WHAMM: variants seen among roughly 807,000 people sequenced by gnomAD.
WHAMM encodes the protein WASP homolog-associated protein with actin, membranes and microtubules.
WHAMM carries 67 observed loss-of-function variants against 76.5 expected under a neutral mutation model. The ratio of observed to expected loss-of-function variants is 0.88; its 90% CI spans 0.72 to 1.07. The LOEUF (loss-of-function observed/expected upper bound fraction) is 1.07, where lower values mean the gene tolerates loss of function less well. WHAMM is among the 50% of genes least tolerant of loss of function. The pLI, the probability that WHAMM is intolerant of heterozygous loss-of-function variation, is 0.00. For missense variants in WHAMM, 1,021 were observed against 1,051.1 expected, an observed-to-expected ratio of 0.97 and a Z score of 0.40; for synonymous variants, 419 against 422.1, an observed-to-expected ratio of 0.99 and a Z score of 0.09.
In WHAMM at chr15:82,810,153, C is replaced by G. The variant is rs2050602143; in HGVS notation, c.427C>G (p.Gln143Glu). 2.2e-6 allele frequency: 3 copies of G among 1,390,466 alleles called. No individual in the cohort carries two copies. The highest frequency in any genetic ancestry group is 3.0e-5 in the African/African-American group (2 of 66,024). 86.1% of individuals were successfully genotyped at this position (1,390,466 alleles called of 1,614,324 possible). ...TRAGPGEAALQELCGQLERYL... is the reference protein window; with the variant it reads ...TRAGPGEAALEELCGQLERYL... ...CGCGGGTCCCGGCGAGGCGGCGCTG[C>G]AGGAGCTGTGCGGGCAGCTGGAACG... The change falls in exon 1 of 10, where the codon CAG (glutamine) becomes GAG (glutamate). Residue 143 changes from glutamine to glutamate, a missense_variant. By Grantham distance (29) the Gln-to-Glu change is conservative. Coordinates refer to ENST00000286760, the MANE Select transcript of WHAMM (RefSeq NM_001080435.3).
intron 9 of WHAMM, 107 bp downstream of exon 9, chr15:82,831,186 CTA>C: frequency 6.7e-7 from 1 of 1,500,740 alleles, no homozygotes; most frequent in Non-Finnish European, 8.8e-7. Context: ...TTATAATTCT[CTA>C]TAGCCTTAAA....
rs2051114669 is a variant in WHAMM, at chr15:82,835,361, T to TGGGAG, written c.*1826_*1827insGGAGG. ...GGATGGTCTCGATCTCTTGACCTCG[T>TGGGAG]GATCCTCCCACCTTGGCCTCCCAAA... On this transcript the variant is annotated 3_prime_UTR_variant, in exon 10 of 10. Coordinates refer to ENST00000286760, the MANE Select transcript of WHAMM (RefSeq NM_001080435.3). The TGGGAG allele has an allele frequency of 6.6e-6, 1 of 152,562 alleles. No individual in the cohort carries two copies. The highest frequency in any genetic ancestry group is 6.5e-5 in the Admixed American group (1 of 15,288). The allele number at this position is 152,562 out of a possible 1,614,324, so 9.5% of individuals were successfully genotyped here.
Position 82,830,997 on chromosome 15 carries a change from G to T in WHAMM, c.2040G>T (p.Val680=). 1 of 1,609,558 alleles carries T rather than the reference G, an allele frequency of 6.2e-7. No individual in the cohort carries two copies. ...THQNLGFRAP[V]KDDQPRPLVC... ...AGAACTTAGGCTTCCGGGCTCCAGT[G>T]AAAGATGACCAGCCACGTCCTCTAG... The change falls in exon 9 of 10, where the codon GTG becomes GTT. Residue 680 remains valine (V), a synonymous_variant. Transcript: ENST00000286760.
At chr15:82,813,319 G>T in intron 2 of WHAMM, 43 bp downstream of exon 2, 1 of 1,400,544 alleles carries the variant, frequency 7.1e-7, no homozygotes, top group South Asian at 1.6e-5. Context: ...TTTACTATTT[G>T]TCATAAATTA....
intron 6 of WHAMM, 146 bp from the exon 7 acceptor site, chr15:82,826,264 G>A: frequency 1.4e-6 from 1 of 714,616 alleles, no homozygotes; most frequent in Non-Finnish European, 2.4e-6. Context: ...GACTGCGGAG[G>A]AGACAGTACC....
intron 8 of WHAMM, among the ~76,000 whole-genome samples, 185 bp from the exon 9 acceptor site, chr15:82,830,414 T>C (rs1307389006): frequency 3.9e-5 from 6 of 152,190 alleles, no homozygotes; most frequent in African/African-American, 1.4e-4. Flanking sequence ...ATATAAATGC[T>C]TATCTTTTTT....
chr15:82,825,055 G>A (rs1454772183), intron 6 of WHAMM, among the ~76,000 whole-genome samples: 2 of 152,160 alleles, frequency 1.3e-5, no homozygotes, highest in Non-Finnish European at 2.9e-5. Context: ...AAGCCAGGAT[G>A]TTGAGGCTTC....
At position 82,834,296 on chromosome 15, in the gene WHAMM, A is replaced by T. The variant is rs1233534802; in HGVS notation, c.*760A>T. 1.3e-5 allele frequency: 2 copies of T among 152,454 alleles called. No homozygotes were observed. The highest frequency in any genetic ancestry group is 4.8e-5 in the African/African-American group (2 of 41,472). 9.4% of individuals were successfully genotyped at this position (152,454 alleles called of 1,614,324 possible). The stretch of plus-strand genomic sequence containing the variant: ...CGTGATCCACCTGCCTTGGCCACCC[A>T]AAGTGTTGGGATTATAGGCATGAGC... On this transcript the variant is annotated 3_prime_UTR_variant, in exon 10 of 10. Coordinates refer to ENST00000286760, the MANE Select transcript of WHAMM (RefSeq NM_001080435.3).
rs559118611 is a variant in WHAMM at position 82,819,892 on chromosome 15, C to G, written c.1270+404C>G. 1.1e-4 allele frequency among the ~76,000 whole-genome samples: 16 copies of G among 152,198 alleles called. No homozygotes were observed. In the South Asian group the frequency reaches 3.3e-3, roughly 32 times the overall value. On this transcript the variant is annotated intron_variant, in intron 5 of 9. Transcript: ENST00000286760. The stretch of plus-strand genomic sequence containing the variant: ...AAACACAAAGTCCAGTGTGGTGGCA[C>G]GTGCCTGTAATCCCAGCTGCTTGGG...
chr15:82,833,467 A>G lies in WHAMM; in HGVS notation c.2361A>G (p.Arg787=), dbSNP rs1406227743. 3 of 1,613,976 alleles carry G rather than the reference A, an allele frequency of 1.9e-6. No individual in the cohort carries two copies. In the South Asian group the frequency reaches 3.3e-5, roughly 18 times the overall value. ...GGAGCATCAAGGCTGCGCTCCAGAG[A>G]ATCAAGAGGGTGTCTGCTGACTCTG... is the stretch of plus-strand genomic sequence containing the variant. ...LERSIKAALQ[R]IKRVSADSEE... Residue 787 remains arginine (R), a synonymous_variant, in exon 10 of 10, where the codon AGA becomes AGG. Coordinates refer to ENST00000286760, the MANE Select transcript of WHAMM (RefSeq NM_001080435.3).
chr15:82,828,469 A>G (rs1434668776), intron 8 of WHAMM, among the ~76,000 whole-genome samples: 1 of 152,182 alleles, frequency 6.6e-6, no homozygotes. Flanking sequence ...TGAATACCAG[A>G]TGAACACAGA....
chr15:82,831,547 G>A (rs2054251660), intron 9 of WHAMM, among the ~76,000 whole-genome samples: 1 of 152,192 alleles, frequency 6.6e-6, no homozygotes, highest in African/African-American at 2.4e-5. Context: ...AATGTAGAAG[G>A]CTGTTCTTGC....
In WHAMM at chr15:82,815,155, A is replaced by ATATAAATAAT. The variant is rs55807384; in HGVS notation, c.784-1537_784-1536insTATAAATAAT. ...TATATATATATATATATATATATAT[A>ATATAAATAAT]GTACAATTCAGTGATTTTTAGTATA... On this transcript the variant is annotated intron_variant, in intron 2 of 9. Coordinates refer to ENST00000286760, the MANE Select transcript of WHAMM (RefSeq NM_001080435.3). Among the ~76,000 whole-genome samples, 18 of 46,144 alleles carry ATATAAATAAT rather than the reference A, an allele frequency of 3.9e-4. 1 individual carries two copies. The highest frequency in any genetic ancestry group is 1.6e-3 in the African/African-American group (18 of 10,980). 30.3% of individuals were successfully genotyped at this position (46,144 alleles called of 152,430 possible).
chr15:82,813,239 T>A lies in WHAMM; in HGVS notation c.746T>A (p.Met249Lys). ...FQYLLQPFRA[M>K]REVATLCKLD... Reference sequence around the variant, plus strand: ...TACTTATTGCAGCCATTTAGGGCTATGCGAGAAGTTGCAACTTTATGTAAG... The same window carrying A: ...TACTTATTGCAGCCATTTAGGGCTAAGCGAGAAGTTGCAACTTTATGTAAG... The change falls in exon 2 of 10, where the codon ATG (methionine) becomes AAG (lysine). Residue 249 changes from methionine to lysine, a missense_variant. Physicochemically the swap from Met to Lys is moderately conservative, Grantham distance 95 (BLOSUM62 -1). Coordinates refer to ENST00000286760, the MANE Select transcript of WHAMM (RefSeq NM_001080435.3). The A allele has an allele frequency of 6.3e-7, 1 of 1,585,138 alleles. No homozygotes were observed. Among genetic ancestry groups the A allele is most frequent in the Non-Finnish European group, 8.6e-7 (1 of 1,169,488 alleles).
intron 9 of WHAMM, among the ~76,000 whole-genome samples, chr15:82,831,815 C>G (rs1478589312): frequency 6.6e-6 from 1 of 152,160 alleles, no homozygotes; most frequent in Non-Finnish European, 1.5e-5. Context: ...TTAGATAAAT[C>G]CTAGCAAAAT....
In WHAMM at chr15:82,823,230, G is replaced by A; in HGVS notation, c.1401G>A (p.Gln467=). ...AAGAACTCAGAAGGCAGTGCCAGCA[G>A]CTGGAGTCTAAACGGGGCAGGATCT... is the stretch of plus-strand genomic sequence containing the variant. The part of the protein sequence containing the change: ...EVKELRRQCQ[Q]LESKRGRICA... The change falls in exon 6 of 10, where the codon CAG becomes CAA. Residue 467 remains glutamine (Q), a synonymous_variant. Coordinates refer to ENST00000286760, the MANE Select transcript of WHAMM (RefSeq NM_001080435.3). 1 of 1,586,490 alleles carries A rather than the reference G, an allele frequency of 6.3e-7. No homozygotes were observed. The highest frequency in any genetic ancestry group is 8.6e-7 in the Non-Finnish European group (1 of 1,163,564).
At chr15:82,823,057 AAAT>A (rs1465844254) in intron 5 of WHAMM, 40 bp from the exon 6 acceptor site, 5 of 1,266,072 alleles carry the variant, frequency 3.9e-6, no homozygotes, top group African/African-American at 3.1e-5. Context: ...GCATTTTTTA[AAAT>A]AATAAAATAT....
rs541264571 is a variant in WHAMM, at chr15:82,810,817, G to A, written c.609+482G>A. The stretch of plus-strand genomic sequence containing the variant: ...GTTTTGTTTTAAGTAATATATACTT[G>A]GTCAAATGGAAAGCCGGCAGAAGGT... On this transcript the variant is annotated intron_variant, in intron 1 of 9. Transcript: ENST00000286760. 144 of 939,392 alleles carry A rather than the reference G, an allele frequency of 1.5e-4. 1 individual carries two copies. In the South Asian group the frequency reaches 6.0e-3, roughly 39 times the overall value. 58.2% of individuals were successfully genotyped at this position (939,392 alleles called of 1,614,324 possible).
rs2050605002 is a variant in WHAMM at position 82,810,265 on chromosome 15, A to G, written c.539A>G (p.Glu180Gly). The G allele has an allele frequency of 1.4e-6, 2 of 1,381,952 alleles. No homozygotes were observed. The highest frequency in any genetic ancestry group is 9.3e-7 in the Non-Finnish European group (1 of 1,070,198). The allele number at this position is 1,381,952 out of a possible 1,614,324, so 85.6% of individuals were successfully genotyped here. A position where few individuals can be genotyped will look rare whatever the true frequency, so the allele number is the denominator to read the frequency against. The change falls in exon 1 of 10, where the codon GAA becomes GGA. Residue 180 changes from glutamate to glycine, a missense_variant. Physicochemically the swap from Glu to Gly is moderately conservative, Grantham distance 98. This residue lies in a region of WHAMM where 501 missense variants were observed against 524.9 expected (regional missense o/e 0.95). Transcript: ENST00000286760. ...FPAEGGAADC[E>G]SPREFRERAL... ...GCTGAGGGCGGCGCGGCCGACTGCG[A>G]AAGCCCGCGCGAGTTCCGGGAGCGG...
Sources: allele counts gnomAD v4.1 joint callset (sites outside exome capture counted in the v4.1 genomes callset), GRCh38; gene constraint gnomAD v4.1.1; regional missense constraint gnomAD v4.1.1; transcripts MANE v1.5; gene names NCBI Gene and HGNC (gene_info 2026-07-23, HGNC 2026-07-21).